Variants in PANK1 observed in about 807,000 individuals in gnomAD.
PANK1 encodes the protein pantothenic acid kinase 1.
PANK1 carries 18 observed loss-of-function variants against 40.1 expected under a neutral mutation model. The ratio of observed to expected loss-of-function variants is 0.45; its 90% CI spans 0.31 to 0.67. The LOEUF is 0.67. Among genes scored for constraint, PANK1 ranks in the 30% least tolerant of loss-of-function variants. PANK1 has a pLI of 0.06. For missense variants in PANK1, 457 were observed against 599.6 expected (o/e 0.76, Z 2.48); for synonymous variants, 242 against 237.7 (o/e 1.02, Z -0.17).
rs549639305 is a variant in PANK1 at position 89,606,514 on chromosome 10, C to G, written c.645+5182G>C. On this transcript the variant is annotated intron_variant, in intron 2 of 6. Coordinates refer to ENST00000307534, the MANE Select transcript of PANK1 (RefSeq NM_148977.3). ...CTCACAAACCAACAACCTCTGCTAC[C>G]TTCCCACTTTTCTTTTCATGTTTTT... is the stretch of plus-strand genomic sequence containing the variant. Among the ~76,000 whole-genome samples the G allele has an allele frequency of 2.0e-5, 3 of 152,098 alleles. No individual in the cohort carries two copies. The East Asian group carries it at 5.8e-4, about 29-fold the overall frequency.
chr10:89,593,447 G>A, intron 4 of PANK1, 127 bp from the exon 5 acceptor site: 1 of 1,062,792 alleles, frequency 9.4e-7, no homozygotes, highest in African/African-American at 1.6e-5. Context: ...TTGCTACTAT[G>A]GTTTATAAGC....
chr10:89,621,294 C>T (rs929577230), intron 1 of PANK1, among the ~76,000 whole-genome samples: 1 of 142,216 alleles, frequency 7.0e-6, no homozygotes, highest in African/African-American at 2.7e-5. Flanking sequence ...AGAGCACAAA[C>T]TCTGTCTCAT....
chr10:89,629,448 C>T (rs756404573), intron 1 of PANK1, among the ~76,000 whole-genome samples: 7 of 152,138 alleles, frequency 4.6e-5, no homozygotes, highest in Non-Finnish European at 7.4e-5. Context: ...ATATTTTATT[C>T]GCCTGGGATC....
At chr10:89,626,904 C>T (rs1845676107) in intron 1 of PANK1, among the ~76,000 whole-genome samples, 1 of 152,124 alleles carries the variant, frequency 6.6e-6, no homozygotes, top group Non-Finnish European at 1.5e-5. Context: ...CTTGCATACT[C>T]TAAGGATACT....
chr10:89,581,490 C>T (rs1398392794), downstream of PANK1: 1 of 150,844 alleles, frequency 6.6e-6, no homozygotes, highest in African/African-American at 2.4e-5. Context: ...GTGATCTCGG[C>T]TCACCGCAAG....
intron 4 of PANK1, 72 bp downstream of exon 4, chr10:89,593,741 C>T (rs1298438266): frequency 2.6e-6 from 3 of 1,163,854 alleles, no homozygotes; most frequent in Non-Finnish European, 3.8e-6. Flanking sequence ...TTTAAAACAA[C>T]TTAGTGAATG....
chr10:89,628,873 G>A (rs1348556367), intron 1 of PANK1, among the ~76,000 whole-genome samples: 1 of 152,142 alleles, frequency 6.6e-6, no homozygotes, highest in Non-Finnish European at 1.5e-5. Context: ...GTACATTGAT[G>A]TCCTCAGGAA....
At chr10:89,594,377 T>TA (rs1464902379) in intron 3 of PANK1, among the ~76,000 whole-genome samples, 2 of 152,068 alleles carry the variant, frequency 1.3e-5, no homozygotes, top group Non-Finnish European at 2.9e-5. Context: ...TAACTCCTAT[T>TA]AAAAAACCAT....
intron 5 of PANK1, among the ~76,000 whole-genome samples, chr10:89,589,007 C>T (rs1844287580): frequency 6.6e-6 from 1 of 152,082 alleles, no homozygotes. Context: ...TGATATTGGA[C>T]TTATTTGCAG....
At chr10:89,600,075 C>A (rs1456150865) in intron 2 of PANK1, among the ~76,000 whole-genome samples, 1 of 152,174 alleles carries the variant, frequency 6.6e-6, no homozygotes, top group Non-Finnish European at 1.5e-5. Flanking sequence ...CCCCAAGAGC[C>A]ACTGAAGGAA....
intron 1 of PANK1, among the ~76,000 whole-genome samples, chr10:89,617,829 A>C (rs1471010681): frequency 6.6e-6 from 1 of 152,200 alleles, no homozygotes; most frequent in Non-Finnish European, 1.5e-5. Context: ...AATAAATTGG[A>C]ATAAAATAGA....
rs777462527 is a variant in PANK1, at chr10:89,599,435, G to A, written c.716C>T (p.Ser239Phe). ...TTCTGGCTTGCCGTTGAAGCCAACAGAGTCGACATAAAGCAGGCCCTGAAT... is the reference window on the plus strand; with the variant it reads ...TTCTGGCTTGCCGTTGAAGCCAACAAAGTCGACATAAAGCAGGCCCTGAAT... ...CLIQGLLYVD[S>F]VGFNGKPECY... Residue 239 changes from serine (S) to phenylalanine (F), a missense_variant, in exon 3 of 7, where the codon TCT becomes TTT. This residue lies in a region of PANK1 where 286 missense variants were observed against 415.8 expected (regional missense o/e 0.69). Transcript: ENST00000307534. 5.6e-6 allele frequency: 9 copies of A among 1,613,486 alleles called. No homozygotes were observed. The highest frequency in any genetic ancestry group is 1.6e-4 in the Middle Eastern group (1 of 6,084).
At chr10:89,592,600 T>A in intron 5 of PANK1, 1 of 441,920 alleles carries the variant, frequency 2.3e-6, no homozygotes, top group Admixed American at 2.4e-5. Context: ...AGAGTTCTAC[T>A]TTATACACCT....
At position 89,644,961 on chromosome 10, in the gene PANK1, C is replaced by G. The variant is rs1589829115; in HGVS notation, c.-70G>C. 6.4e-7 allele frequency: 1 copy of G among 1,573,222 alleles called. No individual in the cohort carries two copies. The highest frequency in any genetic ancestry group is 2.5e-5 in the East Asian group (1 of 39,406). ...CTCGCTGGAGGTCATTCTCCGGCGT[C>G]TTTATTTCCCCGGATCCTCCCTGCG... On this transcript the variant is annotated 5_prime_UTR_variant, in exon 1 of 7. Transcript: ENST00000307534.
intron 2 of PANK1, among the ~76,000 whole-genome samples, chr10:89,605,255 A>C (rs1844925928): frequency 6.6e-6 from 1 of 152,160 alleles, no homozygotes; most frequent in Non-Finnish European, 1.5e-5. Context: ...TAAAATAAAC[A>C]AAAATGAAGT....
At chr10:89,595,825 AAAAAAAAAATATATATATATATATAT>A (rs1348647729) in intron 3 of PANK1, among the ~76,000 whole-genome samples, 14 of 69,360 alleles carry the variant, frequency 2.0e-4, no homozygotes, top group African/African-American at 9.2e-4. Context: ...TTAAAAAAAA[AAAAAAAAAATATATATATATATATAT>A]ATATATATAT....
intron 2 of PANK1, among the ~76,000 whole-genome samples, chr10:89,606,855 C>G (rs2182416): frequency 6.6e-6 from 1 of 151,984 alleles, no homozygotes; most frequent in African/African-American, 2.4e-5. Flanking sequence ...CAGCTTCCTC[C>G]CCTCTCTCAG....
chr10:89,613,375 A>G (rs1167432733), intron 1 of PANK1, among the ~76,000 whole-genome samples: 1 of 152,202 alleles, frequency 6.6e-6, no homozygotes, highest in African/African-American at 2.4e-5. Context: ...ACTGCCAGAA[A>G]CATCAGTGGG....
chr10:89,594,024 C>A, intron 3 of PANK1, 35 bp from the exon 4 acceptor site: 1 of 1,520,954 alleles, frequency 6.6e-7, no homozygotes, highest in South Asian at 1.1e-5. Context: ...TTAAATTTTA[C>A]TTTAAGATAT....
Sources: allele counts gnomAD v4.1 joint callset (sites outside exome capture counted in the v4.1 genomes callset), GRCh38; gene constraint gnomAD v4.1.1; regional missense constraint gnomAD v4.1.1; transcripts MANE v1.5; gene names NCBI Gene and HGNC (gene_info 2026-07-23, HGNC 2026-07-21).